Variants in EXT2 observed in about 807,000 individuals in gnomAD.
EXT2 encodes the protein exostosin glycosyltransferase 2, also known as exostosin-2.
EXT2 carries 53 observed loss-of-function variants against 81.6 expected under a neutral mutation model. That is an observed-to-expected ratio of 0.65 (90% CI 0.52 to 0.82). The LOEUF (loss-of-function observed/expected upper bound fraction) is 0.82. Among genes scored for constraint, EXT2 ranks in the 40% least tolerant of loss-of-function variants. The pLI, the probability that EXT2 is intolerant of heterozygous loss-of-function variation, is 0.00. For missense variants in EXT2, 774 were observed against 910.2 expected, an observed-to-expected ratio of 0.85 and a Z score of 1.93; for synonymous variants, 320 against 340.0, an observed-to-expected ratio of 0.94 and a Z score of 0.65.
At chr11:44,132,104 C>G (rs1303787136) in intron 7 of EXT2, among the ~76,000 whole-genome samples, 1 of 152,212 alleles carries the variant, frequency 6.6e-6, no homozygotes, top group Non-Finnish European at 1.5e-5. Context: ...TAGGCTAAAG[C>G]AGAGACTATT....
intron 4 of EXT2, among the ~76,000 whole-genome samples, chr11:44,121,151 G>A (rs534633306): frequency 1.3e-5 from 2 of 152,204 alleles, no homozygotes; most frequent in African/African-American, 2.4e-5. Context: ...TGGGGTGGGA[G>A]CTTCTGCTTA....
intron 1 of EXT2, among the ~76,000 whole-genome samples, chr11:44,099,075 C>T (rs1485528556): frequency 6.6e-6 from 1 of 152,288 alleles, no homozygotes; most frequent in Admixed American, 6.5e-5. Flanking sequence ...AGTCATGGCT[C>T]ACTGCAGCCT....
intron 9 of EXT2, among the ~76,000 whole-genome samples, chr11:44,198,743 T>C (rs182085225): frequency 6.6e-6 from 1 of 152,340 alleles, no homozygotes; most frequent in East Asian, 1.9e-4. Flanking sequence ...GAGCAAGGAA[T>C]GAATGAGTTT....
Position 44,115,410 on chromosome 11 carries a change from T to A in EXT2, c.743+1109T>A, listed in dbSNP as rs78204874. ...TGGCATTTCTTGGCTCATATTTTAG[T>A]ATGTGAGGGAGTAAATGAAAAGGGC... On this transcript the variant is annotated intron_variant, in intron 4 of 13. Transcript: ENST00000533608. 7.1e-3 allele frequency among the ~76,000 whole-genome samples: 1,088 copies of A among 152,202 alleles called. 15 individuals are homozygous for A. The highest frequency in any genetic ancestry group is 0.03 in the Admixed American group (459 of 15,284).
intron 5 of EXT2, 31 bp downstream of exon 5, chr11:44,125,015 C>A (rs1318213440): frequency 1.2e-6 from 2 of 1,606,134 alleles, no homozygotes; most frequent in Non-Finnish European, 1.7e-6. Flanking sequence ...CTCGCAAAGG[C>A]TCAGGAGAGT....
At position 44,247,746 on chromosome 11, in the gene EXT2, C is replaced by A. The variant is rs1439612026; in HGVS notation, c.*3459C>A. Among the ~76,000 whole-genome samples, 4 of 152,354 alleles carry A rather than the reference C, an allele frequency of 2.6e-5. No individual in the cohort carries two copies. In the East Asian group the frequency reaches 7.7e-4, roughly 29 times the overall value. On this transcript the variant is annotated 3_prime_UTR_variant, in exon 14 of 14. Transcript: ENST00000533608. Reference sequence around the variant, plus strand: ...CTGGGAGCTGGAAGAGACAAGCTCCCTCTTTGCTCTCATTGGCCAAAGATG... The same window carrying A: ...CTGGGAGCTGGAAGAGACAAGCTCCATCTTTGCTCTCATTGGCCAAAGATG...
Position 44,201,468 on chromosome 11 carries a change from C to T in EXT2, c.1495+3450C>T, listed in dbSNP as rs544025663. ...AACCTGCAAGGAAACTGTTGTTATT[C>T]CCATTTTACAAAAATAAGAAAAATG... On this transcript the variant is annotated intron_variant, in intron 9 of 13. Transcript: ENST00000533608. Among the ~76,000 whole-genome samples, 5 of 152,256 alleles carry T rather than the reference C, an allele frequency of 3.3e-5. No homozygotes were observed. The East Asian group carries it at 9.6e-4, about 29-fold the overall frequency.
intron 9 of EXT2, among the ~76,000 whole-genome samples, chr11:44,204,902 T>C (rs907270322): frequency 2.6e-5 from 4 of 152,110 alleles, no homozygotes; most frequent in African/African-American, 9.7e-5. Flanking sequence ...GATTTGGGAA[T>C]GGTAGATGTA....
At chr11:44,234,545 GGTTCTA>G (rs1955938852) in intron 12 of EXT2, among the ~76,000 whole-genome samples, 1 of 151,430 alleles carries the variant, frequency 6.6e-6, no homozygotes, top group African/African-American at 2.4e-5. Flanking sequence ...AGCTGATATG[GGTTCTA>G]GTTCTTTTAG....
intron 10 of EXT2, among the ~76,000 whole-genome samples, chr11:44,229,415 TC>T (rs1453687959): frequency 3.3e-5 from 5 of 152,212 alleles, no homozygotes; most frequent in African/African-American, 1.2e-4. Context: ...GTCGATTAGC[TC>T]TGTTGGTTAC....
At position 44,126,721 on chromosome 11, in the gene EXT2, G is replaced by A. The variant is rs944273202; in HGVS notation, c.940-95G>A. The A allele has an allele frequency of 3.2e-5, 49 of 1,539,026 alleles. 1 individual carries two copies. The highest frequency in any genetic ancestry group is 2.7e-4 in the South Asian group (24 of 89,240). On this transcript the variant is annotated intron_variant, in intron 5 of 13. Coordinates refer to ENST00000533608, the MANE Select transcript of EXT2 (RefSeq NM_207122.2). ...TCAAGATGCCTCAGTATTGCTTGGC[G>A]TCAACCCTTGTAGAAACTTTGTGGT...
chr11:44,174,117 C>A (rs1456197649), intron 8 of EXT2, among the ~76,000 whole-genome samples: 8 of 152,236 alleles, frequency 5.3e-5, no homozygotes, highest in African/African-American at 1.9e-4. Flanking sequence ...TTGCTCATCT[C>A]ATAGGTGAGA....
At chr11:44,143,211 C>A (rs1475071302) in intron 7 of EXT2, among the ~76,000 whole-genome samples, 1 of 152,236 alleles carries the variant, frequency 6.6e-6, no homozygotes, top group Non-Finnish European at 1.5e-5. Flanking sequence ...CTTGGCCTCC[C>A]AGAGTGCTGG....
At chr11:44,127,010 TA>T in intron 6 of EXT2, 55 bp downstream of exon 6, 2 of 1,598,094 alleles carry the variant, frequency 1.3e-6, no homozygotes, top group Non-Finnish European at 1.7e-6. Context: ...ATATTACAAA[TA>T]AAATCTCCTC....
intron 10 of EXT2, among the ~76,000 whole-genome samples, chr11:44,215,032 G>T (rs1316487244): frequency 6.6e-6 from 1 of 152,034 alleles, no homozygotes; most frequent in Non-Finnish European, 1.5e-5. Flanking sequence ...AAGCACTGGG[G>T]TTACAGGCAT....
At chr11:44,145,904 T>C (rs75053029) in intron 7 of EXT2, among the ~76,000 whole-genome samples, 5,225 of 152,314 alleles carry the variant, frequency 0.034, 303 homozygotes, top group African/African-American at 0.12. Flanking sequence ...GTGGCCAACA[T>C]TTTTGAAGGA....
At chr11:44,207,159 G>T (rs2135205869) in intron 10 of EXT2, among the ~76,000 whole-genome samples, 200 bp downstream of exon 10, 1 of 152,294 alleles carries the variant, frequency 6.6e-6, no homozygotes, top group Non-Finnish European at 1.5e-5. Context: ...TTCCAAAATG[G>T]CAACTGTGCC....
At position 44,154,416 on chromosome 11, in the gene EXT2, T is replaced by C. The variant is rs1231544929; in HGVS notation, c.1174-17195T>C. 2.6e-5 allele frequency among the ~76,000 whole-genome samples: 4 copies of C among 152,158 alleles called. No homozygotes were observed. The East Asian group carries it at 7.7e-4, about 29-fold the overall frequency. On this transcript the variant is annotated intron_variant, in intron 7 of 13. Transcript: ENST00000533608. The stretch of plus-strand genomic sequence containing the variant: ...AAGTTGTCTTTCTGCACCTGGCTTA[T>C]TTCACTTAACATAATGACCTCCATT...
intron 10 of EXT2, among the ~76,000 whole-genome samples, chr11:44,225,225 G>T (rs1955825680): frequency 6.6e-6 from 1 of 152,114 alleles, no homozygotes; most frequent in Non-Finnish European, 1.5e-5. Flanking sequence ...ATGAAAAATA[G>T]TATTTGGGGT....
Sources: gnomAD v4.1 joint callset for allele counts (sites outside exome capture counted in the v4.1 genomes callset) on GRCh38, gnomAD v4.1.1 for gene constraint, MANE v1.5 for transcripts, NCBI Gene and HGNC (gene_info 2026-07-23, HGNC 2026-07-21) for gene names.